PPFIA2: variants seen among roughly 807,000 people sequenced by gnomAD.
The protein encoded by PPFIA2 is PPFI scaffold protein A2.
Under a neutral mutation model 175.5 loss-of-function variants are expected in PPFIA2, and 46 were observed. That is an observed-to-expected ratio of 0.26 (90% CI 0.21 to 0.34). The LOEUF (loss-of-function observed/expected upper bound fraction) is 0.34. PPFIA2 is among the 10% of genes least tolerant of loss of function. The pLI is 1.00. For missense variants in PPFIA2, 1,179 were observed against 1,506.1 expected (o/e 0.78, Z 3.60); for synonymous variants, 568 against 511.4 (o/e 1.11, Z -1.49).
At chr12:81,637,101 C>T (rs2064171963) in intron 4 of PPFIA2, among the ~76,000 whole-genome samples, 1 of 151,128 alleles carries the variant, frequency 6.6e-6, no homozygotes, top group Admixed American at 6.6e-5. Flanking sequence ...CGGAGTTTCA[C>T]TCTTGTTGCC....
chr12:81,383,801 C>A (rs927096127), intron 9 of PPFIA2, among the ~76,000 whole-genome samples: 1 of 152,052 alleles, frequency 6.6e-6, no homozygotes, highest in African/African-American at 2.4e-5. Flanking sequence ...ATATCTGACC[C>A]TTGATAGCAC....
At chr12:81,709,713 C>G (rs2077649794) in intron 3 of PPFIA2, among the ~76,000 whole-genome samples, 2 of 152,022 alleles carry the variant, frequency 1.3e-5, no homozygotes, top group Admixed American at 6.6e-5. Context: ...CATTTCAGTA[C>G]ACTAGATTAT....
chr12:81,700,358 G>A (rs1045436687), intron 3 of PPFIA2, among the ~76,000 whole-genome samples: 1 of 151,994 alleles, frequency 6.6e-6, no homozygotes, highest in Non-Finnish European at 1.5e-5. Context: ...ACAACTGTAT[G>A]TCTACAGCTT....
chr12:81,453,598 T>C (rs543487225), intron 5 of PPFIA2, among the ~76,000 whole-genome samples: 1 of 152,258 alleles, frequency 6.6e-6, no homozygotes, highest in East Asian at 1.9e-4. Context: ...TATAAAAATA[T>C]TGAACAAAAA....
intron 7 of PPFIA2, among the ~76,000 whole-genome samples, chr12:81,425,447 C>T (rs927203487): frequency 3.3e-5 from 5 of 152,306 alleles, no homozygotes; most frequent in Non-Finnish European, 5.9e-5. Flanking sequence ...CAGGTTCAAG[C>T]GATTCTCCTG....
intron 14 of PPFIA2, among the ~76,000 whole-genome samples, chr12:81,365,705 A>G (rs1354462854): frequency 2.6e-5 from 4 of 151,740 alleles, no homozygotes; most frequent in Admixed American, 6.6e-5. Context: ...AAGATCATAT[A>G]TGTCTTTAAG....
chr12:81,478,249 A>G (rs926475343), intron 4 of PPFIA2, among the ~76,000 whole-genome samples: 38 of 152,094 alleles, frequency 2.5e-4, no homozygotes, highest in African/African-American at 8.9e-4. Flanking sequence ...TGGGATCAGT[A>G]CTGATATCTC....
chr12:81,347,890 C>G, intron 17 of PPFIA2, 120 bp from the exon 18 acceptor site: 1 of 1,361,062 alleles, frequency 7.3e-7, no homozygotes. Flanking sequence ...GAACATTTTA[C>G]ATCAAATCTA....
chr12:81,663,001 AG>A (rs1369023891), intron 4 of PPFIA2, among the ~76,000 whole-genome samples: 1 of 152,252 alleles, frequency 6.6e-6, no homozygotes, highest in Non-Finnish European at 1.5e-5. Context: ...AAAATTCAAC[AG>A]CCCTTCATGC....
chr12:81,457,695 A>G (rs1372739830), intron 5 of PPFIA2, 70 bp downstream of exon 5: 2 of 856,260 alleles, frequency 2.3e-6, no homozygotes, highest in East Asian at 2.7e-5. Context: ...TTTTCTTCTT[A>G]TATGTGTGTT....
At position 81,614,579 on chromosome 12, in the gene PPFIA2, C is replaced by T. The variant is rs142855778; in HGVS notation, c.303+62212G>A. 4.9e-3 allele frequency among the ~76,000 whole-genome samples: 753 copies of T among 152,192 alleles called. 5 individuals carry two copies. The highest frequency in any genetic ancestry group is 8.6e-3 in the Non-Finnish European group (588 of 67,980). On this transcript the variant is annotated intron_variant, in intron 4 of 32. Transcript: ENST00000549396. ...GGAGTAGACTAACACAATGTTTAGGCCACCTTATTTCTTACTCATCAAGAT... is the reference window on the plus strand; with the variant it reads ...GGAGTAGACTAACACAATGTTTAGGTCACCTTATTTCTTACTCATCAAGAT...
At chr12:81,410,957 C>A (rs938637321) in intron 7 of PPFIA2, among the ~76,000 whole-genome samples, 1 of 152,062 alleles carries the variant, frequency 6.6e-6, no homozygotes, top group Non-Finnish European at 1.5e-5. Context: ...ATCATTCCTA[C>A]CCTTGGCATT....
At chr12:81,301,092 T>G (rs940300625) in intron 22 of PPFIA2, among the ~76,000 whole-genome samples, 11 of 151,814 alleles carry the variant, frequency 7.2e-5, no homozygotes, top group Admixed American at 6.6e-4. Flanking sequence ...CCATTGAAGG[T>G]GTTGTGAAGG....
rs1565758821 is a variant in PPFIA2, at chr12:81,259,219, G to GT, written c.*474dup. On this transcript the variant is annotated 3_prime_UTR_variant, in exon 33 of 33. Transcript: ENST00000549396. ...CAAAAACTGTAAAAATGGTGGAATGGTAAAATACAAACAGTACTTGGAATT... is the reference window on the plus strand; with the variant it reads ...CAAAAACTGTAAAAATGGTGGAATGGTTAAAATACAAACAGTACTTGGAATT... 1 of 235,770 alleles carries GT rather than the reference G, an allele frequency of 4.2e-6. No individual in the cohort carries two copies. The highest frequency in any genetic ancestry group is 4.9e-5 in the South Asian group (1 of 20,392). 14.6% of individuals were successfully genotyped at this position (235,770 alleles called of 1,614,324 possible).
rs555511687 is a variant in PPFIA2 at position 81,378,771 on chromosome 12, G to A, written c.985-2829C>T. Among the ~76,000 whole-genome samples the A allele has an allele frequency of 7.2e-5, 11 of 152,228 alleles. No individual in the cohort carries two copies. In the South Asian group the frequency reaches 1.7e-3, roughly 23 times the overall value. ...AGATATACACACATTTCTCAAGAAC[G>A]TGAGCACTGAAGTAGTACATACTTG... On this transcript the variant is annotated intron_variant, in intron 9 of 32. Coordinates refer to ENST00000549396, the MANE Select transcript of PPFIA2 (RefSeq NM_003625.5).
intron 4 of PPFIA2, among the ~76,000 whole-genome samples, chr12:81,469,742 A>C (rs959472969): frequency 6.6e-6 from 1 of 152,228 alleles, no homozygotes; most frequent in Admixed American, 6.5e-5. Flanking sequence ...CTATGACTGA[A>C]TTGTGTCACC....
chr12:81,294,839 C>T lies in PPFIA2; in HGVS notation c.2921G>A (p.Arg974Gln), dbSNP rs1296624902. 1.9e-6 allele frequency: 3 copies of T among 1,612,332 alleles called. No homozygotes were observed. The highest frequency in any genetic ancestry group is 1.1e-5 in the South Asian group (1 of 90,602). Reference protein sequence around the residue: ...LTSPSAPPTSRTPSGNVWVTH... With the variant: ...LTSPSAPPTSQTPSGNVWVTH... ...GAGGAGCAGAAACTGACTCACAGTTCGAGATGTTGGAGGAGCTGAAGGACT... is the reference window on the plus strand; with the variant it reads ...GAGGAGCAGAAACTGACTCACAGTTTGAGATGTTGGAGGAGCTGAAGGACT... The change falls in exon 24 of 33, where the codon CGA becomes CAA. Residue 974 changes from arginine (R) to glutamine (Q), a missense_variant. Coordinates refer to ENST00000549396, the MANE Select transcript of PPFIA2 (RefSeq NM_003625.5).
At chr12:81,651,398 C>G (rs2066999217) in intron 4 of PPFIA2, among the ~76,000 whole-genome samples, 1 of 151,320 alleles carries the variant, frequency 6.6e-6, no homozygotes, top group South Asian at 2.1e-4. Context: ...ATTAACAAAA[C>G]TTTTTTTTTC....
intron 3 of PPFIA2, among the ~76,000 whole-genome samples, chr12:81,716,509 C>G (rs1403004295): frequency 6.6e-6 from 1 of 151,290 alleles, no homozygotes; most frequent in Non-Finnish European, 1.5e-5. Flanking sequence ...ATTTCTCACC[C>G]AGAAGTTCTT....
Sources: allele counts gnomAD v4.1 joint callset (sites outside exome capture counted in the v4.1 genomes callset), GRCh38; gene constraint gnomAD v4.1.1; transcripts MANE v1.5; gene names NCBI Gene and HGNC (gene_info 2026-07-23, HGNC 2026-07-21).